Variants in ARHGAP15 observed in about 807,000 individuals in gnomAD.
The protein encoded by ARHGAP15 is Rho GTPase activating protein 15.
ARHGAP15 carries 51 observed loss-of-function variants against 63.7 expected under a neutral mutation model. That is an observed-to-expected ratio of 0.80 (90% CI 0.64 to 1.01). The LOEUF is 1.01. ARHGAP15 is among the 50% of genes least tolerant of loss of function. The probability of loss-of-function intolerance (pLI) is 0.00; values close to 1 mark genes in which losing one functional copy is unlikely to be tolerated. For synonymous variants in ARHGAP15, 191 were observed against 193.8 expected, an observed-to-expected ratio of 0.99 and a Z score of 0.12; for missense variants, 560 against 564.6, an observed-to-expected ratio of 0.99 and a Z score of 0.08.
intron 2 of ARHGAP15, among the ~76,000 whole-genome samples, chr2:143,158,676 C>T (rs72992665): frequency 3.1e-4 from 47 of 151,954 alleles, no homozygotes; most frequent in African/African-American, 1.1e-3. Context: ...GGAGAGCTCC[C>T]TTTGGTGGGG....
intron 9 of ARHGAP15, among the ~76,000 whole-genome samples, chr2:143,496,245 C>A (rs62173062): frequency 6.6e-6 from 1 of 151,888 alleles, no homozygotes; most frequent in African/African-American, 2.4e-5. Context: ...GGACACCATG[C>A]GAGATGGAGA....
intron 6 of ARHGAP15, among the ~76,000 whole-genome samples, chr2:143,281,753 A>C (rs1351608395): frequency 6.6e-6 from 1 of 152,172 alleles, no homozygotes; most frequent in Non-Finnish European, 1.5e-5. Context: ...CTTCATTAGC[A>C]ATGATAGACT....
At chr2:143,394,011 A>C (rs988491023) in intron 6 of ARHGAP15, among the ~76,000 whole-genome samples, 2 of 152,310 alleles carry the variant, frequency 1.3e-5, no homozygotes, top group African/African-American at 4.8e-5. Flanking sequence ...TTAGGAAGAC[A>C]GCAAATATTA....
At chr2:143,429,102 CTG>C (rs1200182718) in intron 6 of ARHGAP15, among the ~76,000 whole-genome samples, 2 of 151,946 alleles carry the variant, frequency 1.3e-5, no homozygotes, top group Non-Finnish European at 2.9e-5. Context: ...TGCTGCAAAA[CTG>C]TGGAAATTGC....
At chr2:143,707,655 G>A (rs1332588962) in intron 13 of ARHGAP15, among the ~76,000 whole-genome samples, 1 of 152,170 alleles carries the variant, frequency 6.6e-6, no homozygotes, top group Non-Finnish European at 1.5e-5. Context: ...AAAAGTTTAT[G>A]CAGATAAAAT....
chr2:143,743,195 C>T (rs756213584), intron 13 of ARHGAP15, among the ~76,000 whole-genome samples: 2 of 152,204 alleles, frequency 1.3e-5, no homozygotes, highest in Non-Finnish European at 2.9e-5. Flanking sequence ...ACAGCATTTT[C>T]ACTATGTCAC....
intron 2 of ARHGAP15, among the ~76,000 whole-genome samples, chr2:143,201,693 G>A (rs1196360595): frequency 6.6e-6 from 1 of 152,050 alleles, no homozygotes; most frequent in Non-Finnish European, 1.5e-5. Flanking sequence ...CTTTCCTTGT[G>A]CTTACTCTGT....
intron 2 of ARHGAP15, among the ~76,000 whole-genome samples, chr2:143,166,000 A>AGG (rs1558787786): frequency 0.028 from 3,756 of 136,416 alleles, 82 homozygotes; most frequent in African/African-American, 0.064. Flanking sequence ...GAAAGAAAGA[A>AGG]AGAAGGAAGG....
At chr2:143,627,913 C>A (rs1035445253) in intron 12 of ARHGAP15, among the ~76,000 whole-genome samples, 1 of 151,912 alleles carries the variant, frequency 6.6e-6, no homozygotes, top group African/African-American at 2.4e-5. Flanking sequence ...GTTTGAGGTA[C>A]AAATAATGCC....
intron 6 of ARHGAP15, among the ~76,000 whole-genome samples, chr2:143,395,303 G>A (rs980256497): frequency 1.3e-5 from 2 of 152,172 alleles, no homozygotes. Flanking sequence ...AAGTGAGAAT[G>A]AGTGATGTCC....
At chr2:143,331,177 T>A (rs1464448386) in intron 6 of ARHGAP15, among the ~76,000 whole-genome samples, 1 of 152,128 alleles carries the variant, frequency 6.6e-6, no homozygotes, top group African/African-American at 2.4e-5. Flanking sequence ...ATAACAAACA[T>A]ATATTTTTCC....
chr2:143,578,283 GA>G (rs34530605), intron 11 of ARHGAP15, among the ~76,000 whole-genome samples: 1 of 151,580 alleles, frequency 6.6e-6, no homozygotes, highest in African/African-American at 2.4e-5. Context: ...ACATTGAAAA[GA>G]AAAAAAACTA....
chr2:143,356,654 AC>A (rs1265526998), intron 6 of ARHGAP15, among the ~76,000 whole-genome samples: 1 of 152,140 alleles, frequency 6.6e-6, no homozygotes, highest in East Asian at 1.9e-4. Flanking sequence ...AGAAACGCTT[AC>A]CTTTAATATA....
rs1333037604 is a variant in ARHGAP15 at position 143,334,234 on chromosome 2, G to GT, written c.474+83635dup. 2.0e-5 allele frequency among the ~76,000 whole-genome samples: 3 copies of GT among 152,176 alleles called. No homozygotes were observed. The East Asian group carries it at 5.8e-4, about 29-fold the overall frequency. ...GATCTCTCTAATTTTTCTTAAGCTG[G>GT]TAAAAATAAGAGTACTTTTTTTTGT... On this transcript the variant is annotated intron_variant, in intron 6 of 13. Transcript: ENST00000295095.
At chr2:143,753,394 A>G (rs1686455358) in intron 13 of ARHGAP15, among the ~76,000 whole-genome samples, 1 of 152,206 alleles carries the variant, frequency 6.6e-6, no homozygotes, top group Non-Finnish European at 1.5e-5. Flanking sequence ...CTTCTGTTAT[A>G]AAGCTTAATA....
rs1296315314 is a variant in ARHGAP15 at position 143,153,892 on chromosome 2, T to G, written c.-14-1585T>G. 7.1e-5 allele frequency among the ~76,000 whole-genome samples: 9 copies of G among 126,326 alleles called. 1 individual carries two copies. The highest frequency in any genetic ancestry group is 2.6e-4 in the African/African-American group (9 of 34,734). The allele number at this position is 126,326 out of a possible 152,430, so 82.9% of individuals were successfully genotyped here. On this transcript the variant is annotated intron_variant, in intron 1 of 13. Coordinates refer to ENST00000295095, the MANE Select transcript of ARHGAP15 (RefSeq NM_018460.4). ...CTCCTCTTCCTCCTCCTCCTCCTCC[T>G]CCTCCTCCTATTCCTCTTCTTTTTT... is the stretch of plus-strand genomic sequence containing the variant.
intron 6 of ARHGAP15, among the ~76,000 whole-genome samples, chr2:143,321,824 T>C (rs1488637018): frequency 6.6e-6 from 1 of 152,088 alleles, no homozygotes; most frequent in Non-Finnish European, 1.5e-5. Context: ...GCCTCAGAAG[T>C]AGCTGGGACC....
intron 10 of ARHGAP15, among the ~76,000 whole-genome samples, chr2:143,530,857 C>T (rs1373675953): frequency 6.6e-6 from 1 of 152,146 alleles, no homozygotes; most frequent in Admixed American, 6.6e-5. Context: ...TTAATTAATG[C>T]TCTGTTTACC....
At chr2:143,755,862 A>G (rs765158468) in intron 13 of ARHGAP15, among the ~76,000 whole-genome samples, 96 of 152,082 alleles carry the variant, frequency 6.3e-4, no homozygotes, top group Non-Finnish European at 1.2e-3. Flanking sequence ...GCTACTTGGG[A>G]GGCTGAGGCA....
Sources: allele counts gnomAD v4.1 joint callset (sites outside exome capture counted in the v4.1 genomes callset), GRCh38; gene constraint gnomAD v4.1.1; transcripts MANE v1.5; gene names NCBI Gene and HGNC (gene_info 2026-07-23, HGNC 2026-07-21).